RIMBP2: variants seen among roughly 807,000 people sequenced by gnomAD.
RIMBP2 encodes RIMS binding protein 2.
Under a neutral mutation model 118.6 loss-of-function variants are expected in RIMBP2, and 48 were observed. The ratio of observed to expected loss-of-function variants is 0.40; its 90% CI spans 0.32 to 0.51. The LOEUF (loss-of-function observed/expected upper bound fraction) is 0.51. RIMBP2 is among the 20% of genes least tolerant of loss of function. The probability of loss-of-function intolerance (pLI) is 0.41; values close to 1 mark genes in which losing one functional copy is unlikely to be tolerated. For synonymous variants in RIMBP2, 762 were observed against 742.9 expected (o/e 1.03, Z -0.42); for missense variants, 1,551 against 1,768.3 (o/e 0.88, Z 2.20).
At chr12:130,629,662 T>C (rs1302665752) in intron 1 of RIMBP2, among the ~76,000 whole-genome samples, 5 of 152,104 alleles carry the variant, frequency 3.3e-5, no homozygotes, top group Admixed American at 3.3e-4. Flanking sequence ...AGCAGGTAGG[T>C]GGATGCTACC....
intron 2 of RIMBP2, among the ~76,000 whole-genome samples, chr12:130,569,546 G>A (rs2057477038): frequency 6.6e-6 from 1 of 152,228 alleles, no homozygotes; most frequent in South Asian, 2.1e-4. Flanking sequence ...ATCTCATGTT[G>A]AATTGCAAGC....
chr12:130,437,694 G>A (rs546491408), intron 12 of RIMBP2, among the ~76,000 whole-genome samples: 34 of 152,340 alleles, frequency 2.2e-4, no homozygotes, highest in Non-Finnish European at 4.3e-4. Flanking sequence ...GAACAGGGCT[G>A]AGGGCCTCCT....
Position 130,437,061 on chromosome 12 carries a change from G to A in RIMBP2, c.1887C>T (p.Asp629=), listed in dbSNP as rs148090124. 7.7e-5 allele frequency: 122 copies of A among 1,574,272 alleles called. No homozygotes were observed. The highest frequency in any genetic ancestry group is 9.3e-5 in the Non-Finnish European group (108 of 1,157,106). ...LASSGVPETK[D]EHLGPHARMD... ...TCCTGGCGTGGGGACCCAGGTGCTC[G>A]TCTTTGGTTTCGGGGACTCCAGAAC... The change falls in exon 13 of 23, where the codon GAC becomes GAT. Residue 629 remains aspartate, a synonymous_variant. Transcript: ENST00000690449.
At chr12:130,639,487 CAAAAAAAAAA>C (rs138670754) in intron 1 of RIMBP2, among the ~76,000 whole-genome samples, 2 of 88,062 alleles carry the variant, frequency 2.3e-5, no homozygotes, top group African/African-American at 9.8e-5. Context: ...GATCCTGCCT[CAAAAAAAAAA>C]AAAAAAAAAA....
At chr12:130,492,572 T>G (rs897139813) in intron 4 of RIMBP2, among the ~76,000 whole-genome samples, 14 of 152,194 alleles carry the variant, frequency 9.2e-5, no homozygotes, top group Non-Finnish European at 2.9e-5. Context: ...CCATGCTGCT[T>G]TGGGAGGGTT....
At position 130,434,023 on chromosome 12, in the gene RIMBP2, C is replaced by T. The variant is rs942906060; in HGVS notation, c.2253+711G>A. On this transcript the variant is annotated intron_variant, in intron 14 of 22. Transcript: ENST00000690449. The surrounding 1 kb of genome is among the most constrained non-coding windows in gnomAD (Gnocchi z 5.7). Reference sequence around the variant, plus strand: ...GGTCTGTAACCAGCCGGGACATAAACCCAGGCCTGAGAGATGCCAGTCCCC... The same window carrying T: ...GGTCTGTAACCAGCCGGGACATAAATCCAGGCCTGAGAGATGCCAGTCCCC... Among the ~76,000 whole-genome samples the T allele has an allele frequency of 6.6e-6, 1 of 152,208 alleles. No homozygotes were observed. Among genetic ancestry groups the T allele is most frequent in the Non-Finnish European group, 1.5e-5 (1 of 68,042 alleles).
At chr12:130,437,467 G>A (rs114100300) in intron 12 of RIMBP2, among the ~76,000 whole-genome samples, 176 bp from the exon 13 acceptor site, 2,135 of 152,226 alleles carry the variant, frequency 0.014, 49 homozygotes, top group African/African-American at 0.048. Context: ...GGGAGGGGGC[G>A]GGGCAGGTTC....
At position 130,703,274 on chromosome 12, in the gene RIMBP2, G is replaced by A. The variant is rs1038236264; in HGVS notation, c.-352+12948C>T. On this transcript the variant is annotated intron_variant, in intron 1 of 22. Transcript: ENST00000690449. The surrounding 1 kb of genome is among the most constrained non-coding windows in gnomAD (Gnocchi z 5.7). The stretch of plus-strand genomic sequence containing the variant: ...TGTGCACCCCGATTAACCTCCAGGC[G>A]GGCTCCCCCTCCGCCCTGGACATTT... Among the ~76,000 whole-genome samples, 4 of 152,034 alleles carry A rather than the reference G, an allele frequency of 2.6e-5. No homozygotes were observed. The highest frequency in any genetic ancestry group is 4.8e-5 in the African/African-American group (2 of 41,380).
At chr12:130,452,494 A>C (rs2079083659) in intron 7 of RIMBP2, among the ~76,000 whole-genome samples, 1 of 152,240 alleles carries the variant, frequency 6.6e-6, no homozygotes, top group Non-Finnish European at 1.5e-5. Flanking sequence ...TAGCAGGTGC[A>C]AAGTGAATAT....
chr12:130,445,277 G>A lies in RIMBP2; in HGVS notation c.582-8C>T, dbSNP rs1226166799. 3.7e-6 allele frequency: 6 copies of A among 1,603,202 alleles called. No individual in the cohort carries two copies. Among genetic ancestry groups the A allele is most frequent in the Non-Finnish European group, 5.1e-6 (6 of 1,173,220 alleles). The stretch of plus-strand genomic sequence containing the variant: ...CCATCGAAGGGGTTGTAACTGCAGA[G>A]AAAACACAGTTCCTTCATTAGAGGC... On this transcript the variant is annotated splice_region_variant and splice_polypyrimidine_tract_variant and intron_variant, in intron 9 of 22. Transcript: ENST00000690449.
intron 2 of RIMBP2, among the ~76,000 whole-genome samples, chr12:130,537,958 A>G (rs543122389): frequency 1.3e-5 from 2 of 152,336 alleles, no homozygotes; most frequent in East Asian, 1.9e-4. Flanking sequence ...ATGGAAGGAT[A>G]GAATTGTCAA....
At chr12:130,646,574 C>A (rs1375160130) in intron 1 of RIMBP2, among the ~76,000 whole-genome samples, 1 of 152,132 alleles carries the variant, frequency 6.6e-6, no homozygotes, top group East Asian at 1.9e-4. Flanking sequence ...TTGCCCCAAT[C>A]CAAGGTCGCA....
In RIMBP2 at chr12:130,581,887, G is replaced by T. The variant is rs1319598873; in HGVS notation, c.-217+46435C>A. 1.3e-5 allele frequency among the ~76,000 whole-genome samples: 2 copies of T among 152,136 alleles called. No individual in the cohort carries two copies. The highest frequency in any genetic ancestry group is 2.9e-5 in the Non-Finnish European group (2 of 68,032). On this transcript the variant is annotated intron_variant, in intron 2 of 22. Coordinates refer to ENST00000690449, the MANE Select transcript of RIMBP2 (RefSeq NM_001393629.1). The surrounding 1 kb of genome is among the most constrained non-coding windows in gnomAD (Gnocchi z 4.4). ...CCTTTTAATGACTTCCCATCTCAGA[G>T]TTAAACCAAAGGCCCGAAAGGCTCT...
intron 2 of RIMBP2, among the ~76,000 whole-genome samples, chr12:130,585,154 T>C (rs1476987462): frequency 2.0e-5 from 3 of 152,064 alleles, no homozygotes; most frequent in Non-Finnish European, 4.4e-5. Context: ...CCTCTGAAAG[T>C]GAGAGGTTAA....
At chr12:130,674,919 G>A (rs948470468) in intron 1 of RIMBP2, among the ~76,000 whole-genome samples, 1 of 152,322 alleles carries the variant, frequency 6.6e-6, no homozygotes, top group East Asian at 1.9e-4. Context: ...GTTCATCCGT[G>A]TGGTGGCGTG....
At chr12:130,483,766 A>G (rs1245077456) in intron 4 of RIMBP2, among the ~76,000 whole-genome samples, 161 of 109,032 alleles carry the variant, frequency 1.5e-3, no homozygotes, top group African/African-American at 5.4e-3. Flanking sequence ...CGGAGCCCCC[A>G]TCCCTCACCT....
chr12:130,628,684 T>C (rs1411605530), intron 1 of RIMBP2, among the ~76,000 whole-genome samples: 2 of 152,164 alleles, frequency 1.3e-5, no homozygotes, highest in Admixed American at 6.5e-5. Context: ...TTTCCTGGTA[T>C]GGAACAGTGC....
chr12:130,629,897 T>A (rs1425209234), intron 1 of RIMBP2, among the ~76,000 whole-genome samples: 1 of 148,718 alleles, frequency 6.7e-6, no homozygotes, highest in African/African-American at 2.5e-5. Flanking sequence ...TTTAAAAACC[T>A]CTAATATGGA....
At chr12:130,610,936 G>T (rs1316386598) in intron 2 of RIMBP2, among the ~76,000 whole-genome samples, 1 of 152,152 alleles carries the variant, frequency 6.6e-6, no homozygotes, top group African/African-American at 2.4e-5. Context: ...TCCATTGGAG[G>T]CTGTTGCTGC....
Sources: allele counts gnomAD v4.1 joint callset (sites outside exome capture counted in the v4.1 genomes callset), GRCh38; gene constraint gnomAD v4.1.1; non-coding constraint Gnocchi (gnomAD v3.1); transcripts MANE v1.5; gene names NCBI Gene and HGNC (gene_info 2026-07-23, HGNC 2026-07-21).